The following RBM27 variants were observed in gnomAD, a reference collection of about 807,000 sequenced individuals.
RBM27 encodes the protein RNA binding motif protein 27.
In RBM27, 22 loss-of-function variants were observed where a neutral mutation model predicts 135.3. That is an observed-to-expected ratio of 0.16 (90% CI 0.12 to 0.23). The LOEUF (loss-of-function observed/expected upper bound fraction) is 0.23, where lower values mean the gene tolerates loss of function less well. Among genes scored for constraint, RBM27 ranks in the 10% least tolerant of loss-of-function variants. The probability of loss-of-function intolerance (pLI) is 1.00; values close to 1 mark genes in which losing one functional copy is unlikely to be tolerated. For synonymous variants in RBM27, 481 were observed against 442.4 expected (o/e 1.09, Z -1.10); for missense variants, 1,009 against 1,281.0 (o/e 0.79, Z 3.24).
At chr5:146,269,061 GGGAAAA>G in intron 15 of RBM27, 140 bp from the exon 16 acceptor site, 1 of 517,992 alleles carries the variant, frequency 1.9e-6, no homozygotes, top group East Asian at 3.1e-5. Context: ...GAAAGTGTTA[GGGAAAA>G]TATATTCAAA....
chr5:146,210,169 A>G (rs895836005), intron 1 of RBM27, among the ~76,000 whole-genome samples: 1 of 152,166 alleles, frequency 6.6e-6, no homozygotes. Context: ...TTACCAAGCA[A>G]TATGCTTGGC....
intron 1 of RBM27, among the ~76,000 whole-genome samples, chr5:146,211,893 A>G (rs1252763103): frequency 6.6e-6 from 1 of 152,150 alleles, no homozygotes; most frequent in Non-Finnish European, 1.5e-5. Flanking sequence ...AGTAGAGAAA[A>G]GAAAATTATT....
chr5:146,231,946 T>C (rs747919681), intron 6 of RBM27, among the ~76,000 whole-genome samples: 39 of 152,182 alleles, frequency 2.6e-4, no homozygotes, highest in Admixed American at 5.2e-4. Context: ...TAGTGTTTGC[T>C]GCCGGGAATT....
chr5:146,229,051 T>G lies in RBM27; in HGVS notation c.395+14T>G. The G allele has an allele frequency of 6.2e-7, 1 of 1,604,980 alleles. No individual in the cohort carries two copies. Among genetic ancestry groups the G allele is most frequent in the Non-Finnish European group, 8.5e-7 (1 of 1,172,842 alleles). On this transcript the variant is annotated intron_variant, in intron 4 of 20. Coordinates refer to ENST00000265271, the MANE Select transcript of RBM27 (RefSeq NM_018989.2). The stretch of plus-strand genomic sequence containing the variant: ...TAGTGAACGAAGGTTTGTGTTTATC[T>G]TTAATTAGGAAGACATTGATAACTC...
At chr5:146,271,415 A>AAT in intron 18 of RBM27, 68 bp from the exon 19 acceptor site, 1 of 1,359,432 alleles carries the variant, frequency 7.4e-7, no homozygotes, top group Non-Finnish European at 1.0e-6. Context: ...AAAAAAAAAA[A>AAT]GTTTTCCTTT....
At chr5:146,284,039 T>C (rs1053762254) in intron 19 of RBM27, among the ~76,000 whole-genome samples, 3 of 152,192 alleles carry the variant, frequency 2.0e-5, no homozygotes, top group Non-Finnish European at 2.9e-5. Context: ...TGTTTAAAAA[T>C]TAGTACCAAG....
At position 146,249,625 on chromosome 5, in the gene RBM27, C is replaced by T. The variant is rs768599654; in HGVS notation, c.1280-2086C>T. ...TTGCTTGAACCTGGGAGGCAGAGGT[C>T]GCCGTGAGCCCAGATCATGCTACTG... On this transcript the variant is annotated intron_variant, in intron 8 of 20. Coordinates refer to ENST00000265271, the MANE Select transcript of RBM27 (RefSeq NM_018989.2). Among the ~76,000 whole-genome samples, 12 of 144,198 alleles carry T rather than the reference C, an allele frequency of 8.3e-5. No homozygotes were observed. In the East Asian group the frequency reaches 1.2e-3, roughly 15 times the overall value. The allele number at this position is 144,198 out of a possible 152,430, so 94.6% of individuals were successfully genotyped here.
rs766021997 is a variant in RBM27 at position 146,271,529 on chromosome 5, C to T, written c.2843C>T (p.Ser948Phe). 2.5e-6 allele frequency: 4 copies of T among 1,613,676 alleles called. No homozygotes were observed. The Admixed American group carries it at 6.7e-5, about 27-fold the overall frequency. Reference protein sequence around the residue: ...ILPVGRGKTMSSQGRGRGRGR... With the variant: ...ILPVGRGKTMFSQGRGRGRGR... ...CCTGTGGGTCGAGGAAAGACCATGT[C>T]CTCTCAAGGTCGAGGAAGAGGCCGA... Residue 948 changes from serine (S) to phenylalanine (F), a missense_variant, in exon 19 of 21, where the codon TCC becomes TTC. This residue lies in a region of RBM27 where 355 missense variants were observed against 427.3 expected (regional missense o/e 0.83). Coordinates refer to ENST00000265271, the MANE Select transcript of RBM27 (RefSeq NM_018989.2).
At chr5:146,262,837 A>G (rs1661208512) in intron 13 of RBM27, among the ~76,000 whole-genome samples, 1 of 150,992 alleles carries the variant, frequency 6.6e-6, no homozygotes, top group Non-Finnish European at 1.5e-5. Flanking sequence ...ACAATTATTC[A>G]TATTAAGCCA....
chr5:146,208,437 G>A (rs574631331), intron 1 of RBM27, among the ~76,000 whole-genome samples: 1 of 152,258 alleles, frequency 6.6e-6, no homozygotes, highest in East Asian at 1.9e-4. Context: ...CTCCTTAACT[G>A]GCTGGAATAG....
rs764023248 is a variant in RBM27 at position 146,261,796 on chromosome 5, G to T, written c.2180G>T (p.Gly727Val). The stretch of plus-strand genomic sequence containing the variant: ...TCTGCTCCTTCAACAGTGCACGGAG[G>T]TATCCAGAAGGTAATCTGGTTCACT... ...AQSAPSTVHGGIQKMMSKPQT... is the reference protein window; with the variant it reads ...AQSAPSTVHGVIQKMMSKPQT... The change falls in exon 13 of 21, where the codon GGT becomes GTT. Residue 727 changes from glycine (G) to valine (V), a missense_variant. Physicochemically the swap from Gly to Val is moderately radical, Grantham distance 109. This residue lies in a region of RBM27 where 355 missense variants were observed against 427.3 expected (regional missense o/e 0.83). Coordinates refer to ENST00000265271, the MANE Select transcript of RBM27 (RefSeq NM_018989.2). The T allele has an allele frequency of 1.2e-6, 2 of 1,614,106 alleles. No homozygotes were observed. Among genetic ancestry groups the T allele is most frequent in the Non-Finnish European group, 1.7e-6 (2 of 1,179,978 alleles).
At chr5:146,229,259 T>C (rs1399228672) in intron 4 of RBM27, among the ~76,000 whole-genome samples, 1 of 152,174 alleles carries the variant, frequency 6.6e-6, no homozygotes, top group Non-Finnish European at 1.5e-5. Flanking sequence ...CCCCAAGAGC[T>C]CAGGGGTGGG....
intron 2 of RBM27, among the ~76,000 whole-genome samples, chr5:146,220,905 A>T (rs1240127148): frequency 6.6e-6 from 1 of 152,138 alleles, no homozygotes; most frequent in Non-Finnish European, 1.5e-5. Flanking sequence ...GACGTCCAAG[A>T]ATTCTTTGTT....
intron 12 of RBM27, 184 bp from the exon 13 acceptor site, chr5:146,261,326 G>C (rs1193237112): frequency 1.6e-6 from 1 of 621,180 alleles, no homozygotes; most frequent in Non-Finnish European, 2.8e-6. Context: ...TCATTAGGAT[G>C]CACCTTTGTG....
chr5:146,269,364 T>A, intron 16 of RBM27, 56 bp from the exon 17 acceptor site: 2 of 1,480,328 alleles, frequency 1.4e-6, no homozygotes, highest in Non-Finnish European at 1.8e-6. Context: ...TTTTAAAGAC[T>A]TCTTTATATT....
At chr5:146,211,152 C>T (rs888256748) in intron 1 of RBM27, among the ~76,000 whole-genome samples, 2 of 151,790 alleles carry the variant, frequency 1.3e-5, no homozygotes, top group Non-Finnish European at 2.9e-5. Context: ...TGGTGGTTCA[C>T]ACCTGTCGTC....
intron 2 of RBM27, among the ~76,000 whole-genome samples, chr5:146,221,048 C>G (rs1223832309): frequency 6.6e-6 from 1 of 151,246 alleles, no homozygotes; most frequent in Admixed American, 6.6e-5. Flanking sequence ...AAAACCCAGT[C>G]TTTACTAAAA....
At chr5:146,273,737 A>C (rs1262875027) in intron 19 of RBM27, among the ~76,000 whole-genome samples, 1 of 152,190 alleles carries the variant, frequency 6.6e-6, no homozygotes, top group East Asian at 1.9e-4. Flanking sequence ...GTATTCTTCT[A>C]TTCTTAATGA....
intron 1 of RBM27, among the ~76,000 whole-genome samples, chr5:146,211,193 T>A (rs992335171): frequency 6.6e-6 from 1 of 151,884 alleles, no homozygotes; most frequent in Non-Finnish European, 1.5e-5. Flanking sequence ...GGTGGGAGGA[T>A]CACTTGAGCC....
Sources: gnomAD v4.1 joint callset for allele counts (sites outside exome capture counted in the v4.1 genomes callset) on GRCh38, gnomAD v4.1.1 for gene constraint, gnomAD v4.1.1 regional missense constraint, MANE v1.5 for transcripts, NCBI Gene and HGNC (gene_info 2026-07-23, HGNC 2026-07-21) for gene names.